Variants in PLPP1 observed in about 807,000 individuals in gnomAD.
PLPP1 encodes lipid phosphate phosphohydrolase 1a.
In PLPP1, 24 loss-of-function variants were observed where a neutral mutation model predicts 31.2. The ratio of observed to expected loss-of-function variants is 0.77; its 90% CI spans 0.56 to 1.08. PLPP1 has a LOEUF of 1.08. Ranked by LOEUF, PLPP1 falls within the 50% of genes least tolerant of loss-of-function variation. The pLI, the probability that PLPP1 is intolerant of heterozygous loss-of-function variation, is 0.00. For missense variants in PLPP1, 319 were observed against 342.7 expected, an observed-to-expected ratio of 0.93 and a Z score of 0.55; for synonymous variants, 146 against 126.3, an observed-to-expected ratio of 1.16 and a Z score of -1.05.
chr5:55,483,903 G>C (rs1162737041), intron 1 of PLPP1, among the ~76,000 whole-genome samples: 3 of 151,952 alleles, frequency 2.0e-5, no homozygotes, highest in African/African-American at 7.3e-5. Flanking sequence ...AAGGTTTTTT[G>C]CATATTAAGA....
chr5:55,425,134 C>T lies in PLPP1; in HGVS notation c.*72G>A. On this transcript the variant is annotated 3_prime_UTR_variant, in exon 6 of 6. Coordinates refer to ENST00000307259, the MANE Select transcript of PLPP1 (RefSeq NM_003711.4). ...GGCTTGTACACCAGGAAGAAAGATG[C>T]ATCCTCTTGCCTTGTGGCAATCATT... 6.6e-7 allele frequency: 1 copy of T among 1,521,656 alleles called. No individual in the cohort carries two copies. Among genetic ancestry groups the T allele is most frequent in the South Asian group, 1.3e-5 (1 of 79,926 alleles). 94.3% of individuals were successfully genotyped at this position (1,521,656 alleles called of 1,614,324 possible).
chr5:55,518,678 T>C (rs1372027140), intron 1 of PLPP1, among the ~76,000 whole-genome samples: 2 of 152,182 alleles, frequency 1.3e-5, no homozygotes, highest in Non-Finnish European at 2.9e-5. Context: ...AAGTTTATAA[T>C]TGATCTCCCA....
chr5:55,474,450 G>A (rs1003874569), intron 2 of PLPP1, among the ~76,000 whole-genome samples: 1 of 152,180 alleles, frequency 6.6e-6, no homozygotes, highest in African/African-American at 2.4e-5. Context: ...TAAAAATCAT[G>A]TAGTCCAGTC....
intron 2 of PLPP1, among the ~76,000 whole-genome samples, chr5:55,470,392 G>GT (rs763071099): frequency 9.2e-5 from 14 of 152,350 alleles, no homozygotes; most frequent in Middle Eastern, 3.4e-3. Context: ...AGTATGTTTT[G>GT]TGAGTCTTCC....
In PLPP1 at chr5:55,534,730, C is replaced by T. The variant is rs1003549704; in HGVS notation, c.-101G>A. The stretch of plus-strand genomic sequence containing the variant: ...CCCGGGCCGGGGCTGGCGACGGCCC[C>T]GAGCTACGGCCCCTCCCAGCCGGAG... On this transcript the variant is annotated 5_prime_UTR_variant, in exon 1 of 6. Coordinates refer to ENST00000307259, the MANE Select transcript of PLPP1 (RefSeq NM_003711.4). 3.2e-6 allele frequency: 4 copies of T among 1,234,930 alleles called. No homozygotes were observed. The highest frequency in any genetic ancestry group is 4.4e-6 in the Non-Finnish European group (4 of 906,132). 76.5% of individuals were successfully genotyped at this position (1,234,930 alleles called of 1,614,324 possible).
intron 4 of PLPP1, among the ~76,000 whole-genome samples, chr5:55,435,115 G>A (rs1015666273): frequency 3.3e-5 from 5 of 152,110 alleles, no homozygotes; most frequent in African/African-American, 1.2e-4. Context: ...AAAAGAAGAC[G>A]TACAAATGGC....
intron 1 of PLPP1, among the ~76,000 whole-genome samples, chr5:55,512,478 A>AG (rs1753439254): frequency 8.1e-6 from 1 of 123,666 alleles, no homozygotes; most frequent in African/African-American, 3.4e-5. Context: ...CAAAAAAAAA[A>AG]AAAAAGAAAG....
chr5:55,474,068 C>G (rs1256294790), intron 2 of PLPP1, among the ~76,000 whole-genome samples: 3 of 150,888 alleles, frequency 2.0e-5, no homozygotes, highest in Admixed American at 2.0e-4. Context: ...GCAATCTCGG[C>G]TCACTGCAAC....
intron 1 of PLPP1, among the ~76,000 whole-genome samples, chr5:55,526,747 A>C (rs1256415537): frequency 6.6e-6 from 1 of 152,030 alleles, no homozygotes; most frequent in Non-Finnish European, 1.5e-5. Flanking sequence ...CCTGGCTAAC[A>C]CGGTGAAACC....
intron 1 of PLPP1, among the ~76,000 whole-genome samples, chr5:55,510,729 C>T (rs985350821): frequency 7.8e-6 from 1 of 127,826 alleles, no homozygotes; most frequent in Non-Finnish European, 1.8e-5. Flanking sequence ...GAGTACTGGA[C>T]AGAGTTGGGT....
intron 4 of PLPP1, among the ~76,000 whole-genome samples, chr5:55,427,104 AG>A (rs1356291638): frequency 1.4e-4 from 21 of 150,392 alleles, no homozygotes; most frequent in African/African-American, 4.9e-4. Flanking sequence ...AAAAAAAAAA[AG>A]AAAACTACCT....
At chr5:55,529,464 TCTAGG>T (rs546589953) in intron 1 of PLPP1, among the ~76,000 whole-genome samples, 60 of 152,236 alleles carry the variant, frequency 3.9e-4, no homozygotes, top group Non-Finnish European at 6.6e-4. Context: ...CTTAGTATAT[TCTAGG>T]CTTACAAATC....
chr5:55,534,524 T>C, intron 1 of PLPP1, 48 bp downstream of exon 1: 1 of 1,509,372 alleles, frequency 6.6e-7, no homozygotes, highest in Non-Finnish European at 8.9e-7. Flanking sequence ...GCTAAAGCCC[T>C]CCCGGGACAG....
At chr5:55,425,549 T>C (rs1751161117) in intron 5 of PLPP1, 2 of 482,806 alleles carry the variant, frequency 4.1e-6, no homozygotes, top group African/African-American at 2.0e-5. Context: ...TAGCTTCATT[T>C]TGCCAATACT....
At chr5:55,427,766 A>G (rs1751242999) in intron 4 of PLPP1, among the ~76,000 whole-genome samples, 1 of 127,554 alleles carries the variant, frequency 7.8e-6, no homozygotes, top group African/African-American at 2.9e-5. Flanking sequence ...CTAAGCTCCA[A>G]CACTTTTTTG....
intron 1 of PLPP1, among the ~76,000 whole-genome samples, chr5:55,513,799 A>G (rs1403784282): frequency 2.0e-5 from 3 of 152,158 alleles, no homozygotes; most frequent in African/African-American, 7.2e-5. Context: ...GGCAGTGCAC[A>G]TCTGTGGTTC....
At chr5:55,433,028 ACCAGGT>A (rs1409623950) in intron 4 of PLPP1, among the ~76,000 whole-genome samples, 7 of 151,598 alleles carry the variant, frequency 4.6e-5, no homozygotes, top group Admixed American at 1.3e-4. Flanking sequence ...AAATAAACGG[ACCAGGT>A]GTGGTGGCTC....
At chr5:55,437,494 A>G (rs949000922) in intron 4 of PLPP1, among the ~76,000 whole-genome samples, 1 of 152,008 alleles carries the variant, frequency 6.6e-6, no homozygotes, top group African/African-American at 2.4e-5. Flanking sequence ...TGACCTACAA[A>G]GCCTAAATAT....
In PLPP1 at chr5:55,475,285, T is replaced by C. The variant is rs999759209; in HGVS notation, c.210+14A>G. The stretch of plus-strand genomic sequence containing the variant: ...CCCAAAAGTTATAAACTTGGAAAAG[T>C]GGATTTAACTTACAACGATAATACT... On this transcript the variant is annotated intron_variant, in intron 2 of 5. Coordinates refer to ENST00000307259, the MANE Select transcript of PLPP1 (RefSeq NM_003711.4). The C allele has an allele frequency of 1.4e-5, 23 of 1,591,906 alleles. No homozygotes were observed. Among genetic ancestry groups the C allele is most frequent in the Middle Eastern group, 3.4e-4 (2 of 5,966 alleles).
Sources: allele counts gnomAD v4.1 joint callset (sites outside exome capture counted in the v4.1 genomes callset), GRCh38; gene constraint gnomAD v4.1.1; transcripts MANE v1.5; gene names NCBI Gene and HGNC (gene_info 2026-07-23, HGNC 2026-07-21).